The following CASP4 variants were observed in gnomAD, a reference collection of about 807,000 sequenced individuals.
CASP4 encodes caspase-4.
CASP4 carries 29 observed loss-of-function variants against 41.3 expected under a neutral mutation model. The ratio of observed to expected loss-of-function variants is 0.70; its 90% CI spans 0.52 to 0.96. The LOEUF is 0.96. Among genes scored for constraint, CASP4 ranks in the 40% least tolerant of loss-of-function variants. The pLI, the probability that CASP4 is intolerant of heterozygous loss-of-function variation, is 0.00. For missense variants in CASP4, 447 were observed against 460.6 expected (o/e 0.97, Z 0.27); for synonymous variants, 185 against 158.4 (o/e 1.17, Z -1.26).
At chr11:104,968,141 G>A (rs868051812) in intron 1 of CASP4, among the ~76,000 whole-genome samples, 2 of 152,148 alleles carry the variant, frequency 1.3e-5, no homozygotes, top group Non-Finnish European at 2.9e-5. Context: ...GAGGCTCTCA[G>A]ATCTGATTCT....
rs55769633 is a variant in CASP4, at chr11:104,957,501, A to G, written c.8-2500T>C. Among the ~76,000 whole-genome samples, 7 of 152,228 alleles carry G rather than the reference A, an allele frequency of 4.6e-5. No homozygotes were observed. In the East Asian group the frequency reaches 1.4e-3, roughly 29 times the overall value. ...GTAGGAGGATTGCTTAAGCCCAGGAATTTGAGATTATAGTGAGCTATAATT... is the reference window on the plus strand; with the variant it reads ...GTAGGAGGATTGCTTAAGCCCAGGAGTTTGAGATTATAGTGAGCTATAATT... On this transcript the variant is annotated intron_variant, in intron 1 of 8. Coordinates refer to ENST00000444739, the MANE Select transcript of CASP4 (RefSeq NM_001225.4).
rs115678135 is a variant in CASP4, at chr11:104,959,864, C to A, written c.8-4863G>T. ...CAGAATCTGACCACTTCTCTCAATTCTAATTGTTCATTACTTCTATTCGGG... is the reference window on the plus strand; with the variant it reads ...CAGAATCTGACCACTTCTCTCAATTATAATTGTTCATTACTTCTATTCGGG... On this transcript the variant is annotated intron_variant, in intron 1 of 8. Coordinates refer to ENST00000444739, the MANE Select transcript of CASP4 (RefSeq NM_001225.4). 5.6e-3 allele frequency among the ~76,000 whole-genome samples: 858 copies of A among 152,274 alleles called. 8 individuals are homozygous for A. Among genetic ancestry groups the A allele is most frequent in the African/African-American group, 0.019 (809 of 41,564 alleles).
intron 4 of CASP4, 78 bp downstream of exon 4, chr11:104,950,847 A>C: frequency 7.5e-7 from 1 of 1,325,862 alleles, no homozygotes; most frequent in Non-Finnish European, 1.0e-6. Context: ...AACCTTGTTG[A>C]GCTCTTTGAA....
chr11:104,950,899 G>A lies in CASP4; in HGVS notation c.546+26C>T, dbSNP rs762093324. On this transcript the variant is annotated intron_variant, in intron 4 of 8. Coordinates refer to ENST00000444739, the MANE Select transcript of CASP4 (RefSeq NM_001225.4). Reference sequence around the variant, plus strand: ...AAGGATGTGTCTTGAATATGTATGTGTTTGTGGCGGCTGAGGGATTCTTAC... The same window carrying A: ...AAGGATGTGTCTTGAATATGTATGTATTTGTGGCGGCTGAGGGATTCTTAC... The A allele has an allele frequency of 1.9e-6, 3 of 1,603,958 alleles. No individual in the cohort carries two copies. In the South Asian group the frequency reaches 3.3e-5, roughly 18 times the overall value.
intron 8 of CASP4, 83 bp from the exon 9 acceptor site, chr11:104,943,056 A>G (rs1432491131): frequency 2.3e-6 from 1 of 442,484 alleles, no homozygotes; most frequent in East Asian, 7.0e-5. Flanking sequence ...TTCTTCTTGC[A>G]TCCTCTTCCA....
At chr11:104,960,774 CT>C (rs898217783) in intron 1 of CASP4, among the ~76,000 whole-genome samples, 1 of 151,478 alleles carries the variant, frequency 6.6e-6, no homozygotes, top group African/African-American at 2.4e-5. Context: ...CACATCCAGC[CT>C]TTTTTTTTAT....
Position 104,948,552 on chromosome 11 carries a change from A to G in CASP4, c.906T>C (p.Ala302=), listed in dbSNP as rs201011553. ...YKTHVEKDFI[A]FCSSTPHNVS... The stretch of plus-strand genomic sequence containing the variant: ...ACATACGTGGCGTTGAAGAGCAGAA[A>G]GCAATGAAGTCCTTCTCCACGTGGG... The change falls in exon 6 of 9, where the codon GCT becomes GCC. Residue 302 remains alanine, a synonymous_variant. Coordinates refer to ENST00000444739, the MANE Select transcript of CASP4 (RefSeq NM_001225.4). 1 of 1,607,840 alleles carries G rather than the reference A, an allele frequency of 6.2e-7. No homozygotes were observed. The highest frequency in any genetic ancestry group is 8.5e-7 in the Non-Finnish European group (1 of 1,176,226).
At chr11:104,957,244 A>T (rs1753946360) in intron 1 of CASP4, among the ~76,000 whole-genome samples, 1 of 152,208 alleles carries the variant, frequency 6.6e-6, no homozygotes, top group African/African-American at 2.4e-5. Context: ...AAAAATCTGT[A>T]GTGTTTCTGT....
intron 1 of CASP4, 65 bp from the exon 2 acceptor site, chr11:104,955,066 GA>G: frequency 6.8e-7 from 1 of 1,473,812 alleles, no homozygotes; most frequent in Non-Finnish European, 9.3e-7. Context: ...CCTCACTTTA[GA>G]TATAGTTCTA....
At chr11:104,948,759 G>A in intron 5 of CASP4, 83 bp from the exon 6 acceptor site, 1 of 1,310,936 alleles carries the variant, frequency 7.6e-7, no homozygotes, top group Non-Finnish European at 1.0e-6. Flanking sequence ...CTTTTTGAAT[G>A]TTCATTCTTA....
At chr11:104,950,775 A>G (rs1183718940) in intron 4 of CASP4, 150 bp downstream of exon 4, 13 of 439,354 alleles carry the variant, frequency 3.0e-5, no homozygotes, top group Non-Finnish European at 4.6e-5. Flanking sequence ...TAGATTTACC[A>G]GTCTAGTACT....
chr11:104,964,165 C>G (rs1860922645), intron 1 of CASP4, among the ~76,000 whole-genome samples: 1 of 152,170 alleles, frequency 6.6e-6, no homozygotes, highest in Admixed American at 6.5e-5. Context: ...TTGTCATCCA[C>G]AGACATTTTG....
At chr11:104,966,636 A>G (rs1035967176) in intron 1 of CASP4, among the ~76,000 whole-genome samples, 20 of 152,116 alleles carry the variant, frequency 1.3e-4, no homozygotes, top group Non-Finnish European at 2.5e-4. Context: ...AAAAAGCACA[A>G]AGGCTTGAGG....
chr11:104,967,584 C>T (rs1861003251), intron 1 of CASP4, among the ~76,000 whole-genome samples: 1 of 152,122 alleles, frequency 6.6e-6, no homozygotes, highest in Non-Finnish European at 1.5e-5. Context: ...ACTAACTGGT[C>T]AACTTTCCTA....
intron 1 of CASP4, among the ~76,000 whole-genome samples, chr11:104,957,135 A>G (rs1860754193): frequency 1.3e-5 from 2 of 152,172 alleles, no homozygotes; most frequent in South Asian, 4.1e-4. Context: ...TAAAGATGAA[A>G]TGGTCTTATA....
chr11:104,958,960 C>CAA (rs56678254), intron 1 of CASP4, among the ~76,000 whole-genome samples: 1,163 of 62,470 alleles, frequency 0.019, 106 homozygotes, highest in Middle Eastern at 0.041. Context: ...GACTCTGTCT[C>CAA]AAAAAAAAAA....
At chr11:104,959,634 C>G (rs1860814179) in intron 1 of CASP4, among the ~76,000 whole-genome samples, 1 of 152,150 alleles carries the variant, frequency 6.6e-6, no homozygotes, top group African/African-American at 2.4e-5. Context: ...CATCTCACAA[C>G]CTCATTTAAC....
Position 104,948,561 on chromosome 11 carries a change from G to A in CASP4, c.897C>T (p.Asp299=), listed in dbSNP as rs1385254363. 1 of 1,610,248 alleles carries A rather than the reference G, an allele frequency of 6.2e-7. No homozygotes were observed. Reference sequence around the variant, plus strand: ...GCGTTGAAGAGCAGAAAGCAATGAAGTCCTTCTCCACGTGGGTCTTGTAAA... The same window carrying A: ...GCGTTGAAGAGCAGAAAGCAATGAAATCCTTCTCCACGTGGGTCTTGTAAA... The part of the protein sequence containing the change: ...DAVYKTHVEK[D]FIAFCSSTPH... Residue 299 remains aspartate (D), a synonymous_variant, in exon 6 of 9, where the codon GAC becomes GAT. Coordinates refer to ENST00000444739, the MANE Select transcript of CASP4 (RefSeq NM_001225.4).
intron 2 of CASP4, 141 bp downstream of exon 2, chr11:104,954,606 T>A: frequency 1.2e-6 from 1 of 832,828 alleles, no homozygotes; most frequent in Non-Finnish European, 1.9e-6. Context: ...AAGTGGTCTC[T>A]AAAAGGACAA....
Sources: gnomAD v4.1 joint callset for allele counts (sites outside exome capture counted in the v4.1 genomes callset) on GRCh38, gnomAD v4.1.1 for gene constraint, MANE v1.5 for transcripts, NCBI Gene and HGNC (gene_info 2026-07-23, HGNC 2026-07-21) for gene names.